Variants in KIAA1217 observed in about 807,000 individuals in gnomAD.
KIAA1217 encodes the protein KIAA1217, also known as sickle tail protein homolog.
A neutral mutation model predicts 163.9 loss-of-function variants in KIAA1217; 88 were observed. The observed-to-expected ratio is 0.54, with a 90% CI of 0.45 to 0.64. The LOEUF is 0.64. Ranked by LOEUF, KIAA1217 falls within the 30% of genes least tolerant of loss-of-function variation. KIAA1217 has a pLI of 0.00. For missense variants in KIAA1217, 2,372 were observed against 2,475.0 expected, an observed-to-expected ratio of 0.96 and a Z score of 0.88; for synonymous variants, 903 against 923.1, an observed-to-expected ratio of 0.98 and a Z score of 0.39.
At chr10:24,503,552 T>C (rs1160141114) in intron 9 of KIAA1217, among the ~76,000 whole-genome samples, 1 of 152,212 alleles carries the variant, frequency 6.6e-6, no homozygotes, top group Non-Finnish European at 1.5e-5. Flanking sequence ...CTTTAAAGGA[T>C]AGTAGCCACT....
intron 2 of KIAA1217, among the ~76,000 whole-genome samples, chr10:24,022,044 A>T (rs1447122593): frequency 6.6e-6 from 1 of 151,722 alleles, no homozygotes; most frequent in Non-Finnish European, 1.5e-5. Context: ...TAAAAGATTA[A>T]AATTATAAAA....
chr10:24,296,473 T>C (rs2040625585), intron 2 of KIAA1217, among the ~76,000 whole-genome samples: 1 of 152,172 alleles, frequency 6.6e-6, no homozygotes. Context: ...AGTTCTGGCT[T>C]TGTACATTGC....
intron 3 of KIAA1217, among the ~76,000 whole-genome samples, chr10:24,400,529 G>A (rs1216149567): frequency 6.6e-6 from 1 of 152,150 alleles, no homozygotes; most frequent in Non-Finnish European, 1.5e-5. Flanking sequence ...AAGAAGTGAT[G>A]CTTTGGTTAA....
At chr10:24,086,708 C>A (rs2061710157) in intron 2 of KIAA1217, among the ~76,000 whole-genome samples, 1 of 152,140 alleles carries the variant, frequency 6.6e-6, no homozygotes, top group African/African-American at 2.4e-5. Flanking sequence ...AATGCCATCT[C>A]AAGCTTGAAA....
At chr10:24,263,136 T>C (rs2075883112) in intron 2 of KIAA1217, among the ~76,000 whole-genome samples, 1 of 152,198 alleles carries the variant, frequency 6.6e-6, no homozygotes, top group Admixed American at 6.5e-5. Context: ...CTTGGGCTGA[T>C]ACCAGAGAGT....
At chr10:24,319,893 A>G (rs1056111437) in intron 2 of KIAA1217, among the ~76,000 whole-genome samples, 122 of 152,372 alleles carry the variant, frequency 8.0e-4, no homozygotes, top group Non-Finnish European at 7.3e-5. Flanking sequence ...GGAAGTTCAT[A>G]TATCTAGCTT....
At chr10:23,773,033 A>G (rs1385154384) in intron 1 of KIAA1217, among the ~76,000 whole-genome samples, 1 of 151,820 alleles carries the variant, frequency 6.6e-6, no homozygotes, top group Non-Finnish European at 1.5e-5. Flanking sequence ...GTTTTATTTT[A>G]TTTTTTCTTT....
intron 2 of KIAA1217, among the ~76,000 whole-genome samples, chr10:24,276,258 G>T (rs968788608): frequency 1.3e-5 from 2 of 152,108 alleles, no homozygotes; most frequent in Non-Finnish European, 2.9e-5. Context: ...TGAACAGAAC[G>T]CAGAAACACA....
intron 3 of KIAA1217, among the ~76,000 whole-genome samples, chr10:24,413,931 C>T (rs148297105): frequency 1.9e-3 from 295 of 152,312 alleles, no homozygotes; most frequent in African/African-American, 6.7e-3. Flanking sequence ...TGTCTATCTA[C>T]ATCAATAGAA....
At chr10:24,177,298 T>A (rs1472568519) in intron 2 of KIAA1217, among the ~76,000 whole-genome samples, 4 of 68,616 alleles carry the variant, frequency 5.8e-5, no homozygotes, top group Non-Finnish European at 9.2e-5. Context: ...TATATATATA[T>A]TACAATTTCT....
At chr10:23,903,581 T>C (rs1221280113) in intron 1 of KIAA1217, among the ~76,000 whole-genome samples, 1 of 152,100 alleles carries the variant, frequency 6.6e-6, no homozygotes, top group Non-Finnish European at 1.5e-5. Context: ...TAGCAAGGCC[T>C]GTTTGTTCAG....
chr10:24,044,281 G>C (rs1589282274), intron 2 of KIAA1217, among the ~76,000 whole-genome samples: 1 of 152,160 alleles, frequency 6.6e-6, no homozygotes, highest in East Asian at 1.9e-4. Flanking sequence ...GAACGTGGTT[G>C]TCGTAAGATC....
At chr10:24,526,173 A>G (rs1370452265) in intron 13 of KIAA1217, among the ~76,000 whole-genome samples, 2 of 152,006 alleles carry the variant, frequency 1.3e-5, no homozygotes, top group African/African-American at 4.8e-5. Context: ...GCCTCTACTG[A>G]AAGTCACCAG....
At position 23,953,520 on chromosome 10, in the gene KIAA1217, C is replaced by G. The variant is rs187559905; in HGVS notation, c.-320-53705C>G. 4.2e-3 allele frequency among the ~76,000 whole-genome samples: 632 copies of G among 152,286 alleles called. 4 individuals carry two copies. The highest frequency in any genetic ancestry group is 6.9e-3 in the Non-Finnish European group (467 of 68,024). ...AAGTTATATGGCTTTGCCCAACTAC[C>G]AAGATATGGGTAGTGTAGTCTTCCC... On this transcript the variant is annotated intron_variant, in intron 1 of 18. Transcript: ENST00000376462.
At chr10:24,537,128 A>G (rs2074134405) in intron 17 of KIAA1217, among the ~76,000 whole-genome samples, 1 of 152,174 alleles carries the variant, frequency 6.6e-6, no homozygotes, top group Non-Finnish European at 1.5e-5. Flanking sequence ...TTTAGACACT[A>G]TCTTCCCAAA....
chr10:24,274,359 T>C lies in KIAA1217; in HGVS notation c.354+54450T>C, dbSNP rs2077060525. ...GCCACCAAGTCCAGCTAATTTTTTT[T>C]TTTTTTTGAGACGGAATATTGCTCT... On this transcript the variant is annotated intron_variant, in intron 2 of 20. Transcript: ENST00000376454. Among the ~76,000 whole-genome samples the C allele has an allele frequency of 2.0e-5, 3 of 152,100 alleles. No individual in the cohort carries two copies. The South Asian group carries it at 6.2e-4, about 32-fold the overall frequency.
chr10:24,190,482 C>G (rs375700695), intron 2 of KIAA1217, among the ~76,000 whole-genome samples: 273 of 152,238 alleles, frequency 1.8e-3, no homozygotes, highest in African/African-American at 6.3e-3. Context: ...CAGAGCTCAC[C>G]GTATGGTAGA....
At chr10:23,871,508 G>A (rs1310591915) in intron 1 of KIAA1217, among the ~76,000 whole-genome samples, 1 of 151,956 alleles carries the variant, frequency 6.6e-6, no homozygotes, top group Non-Finnish European at 1.5e-5. Context: ...GATGGAACTG[G>A]GATCTTGCTC....
intron 2 of KIAA1217, among the ~76,000 whole-genome samples, chr10:24,079,344 T>C (rs138768680): frequency 6.6e-5 from 10 of 152,264 alleles, no homozygotes; most frequent in Non-Finnish European, 1.0e-4. Context: ...GGAGGGCCAT[T>C]TGAAGCTATT....
Sources: gnomAD v4.1 joint callset for allele counts (sites outside exome capture counted in the v4.1 genomes callset) on GRCh38, gnomAD v4.1.1 for gene constraint, MANE v1.5 for transcripts, NCBI Gene and HGNC (gene_info 2026-07-23, HGNC 2026-07-21) for gene names.